Variants in CSMD3 observed in about 807,000 individuals in gnomAD.
CSMD3 encodes CUB and Sushi multiple domains 3, also known as CUB and sushi domain-containing protein 3.
Under a neutral mutation model 435.2 loss-of-function variants are expected in CSMD3, and 177 were observed. The ratio of observed to expected loss-of-function variants is 0.41; its 90% CI spans 0.36 to 0.46. The LOEUF is 0.46. Ranked by LOEUF, CSMD3 falls within the 20% of genes least tolerant of loss-of-function variation. The pLI is 0.34. For missense variants in CSMD3, 4,265 were observed against 4,504.6 expected (o/e 0.95, Z 1.52); for synonymous variants, 1,656 against 1,520.5 (o/e 1.09, Z -2.07).
At chr8:112,851,061 A>C (rs2129720495) in intron 11 of CSMD3, among the ~76,000 whole-genome samples, 1 of 152,320 alleles carries the variant, frequency 6.6e-6, no homozygotes, top group Admixed American at 6.5e-5. Flanking sequence ...ATATAACATT[A>C]TATTTTAGTT....
At chr8:112,999,325 A>G (rs937578382) in intron 6 of CSMD3, among the ~76,000 whole-genome samples, 4 of 151,968 alleles carry the variant, frequency 2.6e-5, no homozygotes, top group African/African-American at 7.2e-5. Context: ...AAATTGAGCC[A>G]CACAATTTAG....
At chr8:113,088,592 C>T (rs1231086702) in intron 5 of CSMD3, among the ~76,000 whole-genome samples, 9 of 151,496 alleles carry the variant, frequency 5.9e-5, no homozygotes, top group Non-Finnish European at 1.3e-4. Flanking sequence ...TCATCATTCT[C>T]AGTAAACTAT....
At chr8:113,296,352 C>G (rs2093721918) in intron 2 of CSMD3, among the ~76,000 whole-genome samples, 1 of 151,270 alleles carries the variant, frequency 6.6e-6, no homozygotes, top group African/African-American at 2.4e-5. Flanking sequence ...AACCACATCT[C>G]TACTAAAATA....
chr8:113,354,556 TTCAATTGGGGA>T (rs2094209265), intron 1 of CSMD3, among the ~76,000 whole-genome samples: 1 of 152,222 alleles, frequency 6.6e-6, no homozygotes. Flanking sequence ...TAAGAAACAT[TTCAATTGGGGA>T]GCTATTCAGC....
intron 32 of CSMD3, among the ~76,000 whole-genome samples, chr8:112,463,040 G>A (rs1003058760): frequency 1.3e-5 from 2 of 152,130 alleles, no homozygotes; most frequent in Admixed American, 1.3e-4. Flanking sequence ...ATACTTCCTT[G>A]TGCTTGTGTG....
chr8:112,450,672 C>G (rs1816157813), intron 32 of CSMD3, among the ~76,000 whole-genome samples: 1 of 152,024 alleles, frequency 6.6e-6, no homozygotes, highest in East Asian at 1.9e-4. Context: ...TGTCTTTTTT[C>G]TCAAAAATTT....
chr8:112,260,685 T>C (rs1234866907), intron 61 of CSMD3, among the ~76,000 whole-genome samples: 3 of 152,040 alleles, frequency 2.0e-5, no homozygotes, highest in South Asian at 2.1e-4. Flanking sequence ...TCTAGTACTA[T>C]TCAGAACATA....
At chr8:112,624,153 T>C (rs907977143) in intron 22 of CSMD3, among the ~76,000 whole-genome samples, 3 of 152,140 alleles carry the variant, frequency 2.0e-5, no homozygotes, top group Non-Finnish European at 4.4e-5. Flanking sequence ...TATTATGATA[T>C]TCACTACAAT....
At chr8:112,337,479 G>T in intron 43 of CSMD3, 64 bp downstream of exon 43, 3 of 1,291,108 alleles carry the variant, frequency 2.3e-6, no homozygotes, top group Non-Finnish European at 3.4e-6. Flanking sequence ...CAAGTAAAAA[G>T]TGCCAAAACA....
chr8:112,557,035 T>A, intron 24 of CSMD3, 81 bp from the exon 25 acceptor site: 1 of 875,176 alleles, frequency 1.1e-6, no homozygotes. Flanking sequence ...TTTCCTTTAC[T>A]ATTTTTGATG....
At chr8:113,266,610 T>C (rs1018334387) in intron 3 of CSMD3, among the ~76,000 whole-genome samples, 1 of 151,618 alleles carries the variant, frequency 6.6e-6, no homozygotes. Flanking sequence ...CCATGTAAAA[T>C]AGCTGTGAAT....
chr8:112,451,773 G>A (rs544107945), intron 32 of CSMD3, among the ~76,000 whole-genome samples: 4 of 152,214 alleles, frequency 2.6e-5, no homozygotes, highest in Non-Finnish European at 5.9e-5. Context: ...CCTGACCTCA[G>A]GTGATCTGCC....
At chr8:112,661,526 T>G (rs2075379256) in intron 17 of CSMD3, among the ~76,000 whole-genome samples, 2 of 152,150 alleles carry the variant, frequency 1.3e-5, no homozygotes, top group Admixed American at 1.3e-4. Context: ...GTTCATCAAG[T>G]GAGCCACTCT....
chr8:112,534,193 T>C (rs1479490906), intron 27 of CSMD3, among the ~76,000 whole-genome samples: 3 of 151,682 alleles, frequency 2.0e-5, no homozygotes, highest in Admixed American at 2.0e-4. Context: ...CTGAAGGAAA[T>C]AGAGACACAA....
intron 1 of CSMD3, among the ~76,000 whole-genome samples, chr8:113,427,968 G>T (rs2094645946): frequency 6.6e-6 from 1 of 151,488 alleles, no homozygotes; most frequent in African/African-American, 2.4e-5. Context: ...AGGAGCTAAG[G>T]GTTATAATGT....
rs2129762585 is a variant in CSMD3 at position 112,224,858 on chromosome 8, A to T, written c.11037T>A (p.Asn3679Lys). 1 of 1,613,950 alleles carries T rather than the reference A, an allele frequency of 6.2e-7. No homozygotes were observed. Among genetic ancestry groups the T allele is most frequent in the Non-Finnish European group, 8.5e-7 (1 of 1,179,934 alleles). Residue 3679 changes from asparagine (N) to lysine (K), a missense_variant, in exon 71 of 71, where the codon AAT becomes AAA. Asn to Lys is a moderately conservative substitution (Grantham distance 94). Coordinates refer to ENST00000297405, the MANE Select transcript of CSMD3 (RefSeq NM_198123.2). ...ACTTTGCGTTGGTGTCATACATGGG[A>T]TTTTCAAAAGCTGCTTGGCCATTGT... ...ENNNGQAAFE[N>K]PMYDTNAKSV...
Position 112,550,826 on chromosome 8 carries a change from C to A in CSMD3, c.4409G>T (p.Arg1470Leu), listed in dbSNP as rs371257283. The A allele has an allele frequency of 6.2e-7, 1 of 1,612,208 alleles. No homozygotes were observed. Among genetic ancestry groups the A allele is most frequent in the Non-Finnish European group, 8.5e-7 (1 of 1,178,686 alleles). The change falls in exon 27 of 71, where the codon CGA becomes CTA. Residue 1470 changes from arginine (R) to leucine (L), a missense_variant. Arg to Leu is a moderately radical substitution (Grantham distance 102). Transcript: ENST00000297405. ...FDTEASHDIL[R>L]VWDGPPENDM... ...ATTTTCTGGTGGACCGTCCCAGACTCGGAGTATATCATGTGATGCTTCCGT... is the reference window on the plus strand; with the variant it reads ...ATTTTCTGGTGGACCGTCCCAGACTAGGAGTATATCATGTGATGCTTCCGT...
In CSMD3 at chr8:113,223,622, C is replaced by CATATAT. The variant is rs3048833; in HGVS notation, c.515-49712_515-49707dup. 8.2e-3 allele frequency among the ~76,000 whole-genome samples: 1,203 copies of CATATAT among 146,100 alleles called. 17 individuals carry two copies. The highest frequency in any genetic ancestry group is 0.026 in the African/African-American group (1,041 of 40,274). On this transcript the variant is annotated intron_variant, in intron 3 of 70. Transcript: ENST00000297405. ...GACAATTTTCAACTTGTCAAGTATA[C>CATATAT]ATATATATATATATATTTATCTTAA...
chr8:113,209,474 C>A (rs991941631), intron 3 of CSMD3, among the ~76,000 whole-genome samples: 1 of 152,076 alleles, frequency 6.6e-6, no homozygotes, highest in East Asian at 1.9e-4. Flanking sequence ...AAACACCTCG[C>A]CTAGTCTTAG....
Sources: gnomAD v4.1 joint callset for allele counts (sites outside exome capture counted in the v4.1 genomes callset) on GRCh38, gnomAD v4.1.1 for gene constraint, MANE v1.5 for transcripts, NCBI Gene and HGNC (gene_info 2026-07-23, HGNC 2026-07-21) for gene names.